Variants in CSMD3 observed in about 807,000 individuals in gnomAD.
CSMD3 encodes the protein CUB and Sushi multiple domains 3, also known as CUB and sushi domain-containing protein 3.
In CSMD3, 177 loss-of-function variants were observed where a neutral mutation model predicts 435.2. The observed-to-expected ratio is 0.41, with a 90% CI of 0.36 to 0.46. The LOEUF is 0.46. Among genes scored for constraint, CSMD3 ranks in the 20% least tolerant of loss-of-function variants. CSMD3 has a pLI of 0.34. For synonymous variants in CSMD3, 1,656 were observed against 1,520.5 expected, an observed-to-expected ratio of 1.09 and a Z score of -2.07; for missense variants, 4,265 against 4,504.6, an observed-to-expected ratio of 0.95 and a Z score of 1.52.
At chr8:112,323,050 T>C (rs1409885385) in intron 45 of CSMD3, among the ~76,000 whole-genome samples, 3 of 151,946 alleles carry the variant, frequency 2.0e-5, no homozygotes, top group South Asian at 4.1e-4. Context: ...TGTCAGACAA[T>C]GCTAAACATT....
intron 22 of CSMD3, among the ~76,000 whole-genome samples, chr8:112,612,076 C>T (rs1370126832): frequency 6.6e-5 from 10 of 152,022 alleles, no homozygotes; most frequent in African/African-American, 2.2e-4. Flanking sequence ...CCAATTTTAC[C>T]TATATTAGTT....
At chr8:112,396,561 A>C (rs1203306748) in intron 35 of CSMD3, among the ~76,000 whole-genome samples, 1 of 152,206 alleles carries the variant, frequency 6.6e-6, no homozygotes. Flanking sequence ...ACTGAAATGG[A>C]AAAAGTATGG....
chr8:112,238,265 A>C (rs951776049), intron 66 of CSMD3, among the ~76,000 whole-genome samples: 1 of 151,226 alleles, frequency 6.6e-6, no homozygotes, highest in African/African-American at 2.4e-5. Context: ...TTTAGGAAAA[A>C]GTCCTTTTTT....
intron 3 of CSMD3, among the ~76,000 whole-genome samples, chr8:113,253,282 G>T (rs770609002): frequency 6.6e-6 from 1 of 151,704 alleles, no homozygotes; most frequent in Non-Finnish European, 1.5e-5. Context: ...ACAATGTGCA[G>T]GTTTGTTACA....
intron 14 of CSMD3, among the ~76,000 whole-genome samples, chr8:112,688,163 A>G (rs1378383145): frequency 2.6e-5 from 4 of 152,214 alleles, no homozygotes; most frequent in Admixed American, 2.0e-4. Context: ...GGAAAGGAGG[A>G]TGGATTTGGC....
intron 14 of CSMD3, 21 bp from the exon 15 acceptor site, chr8:112,685,753 T>C (rs928252380): frequency 1.4e-6 from 2 of 1,401,878 alleles, no homozygotes. Context: ...AGGAAGATTA[T>C]GAAATACAAT....
Position 112,934,625 on chromosome 8 carries a change from G to A in CSMD3, c.1509-12874C>T, listed in dbSNP as rs376536485. ...CATAAAATCTGAGTCCAAGGTTTGA[G>A]AAATTGTGCAGTGCACAATGCTAAG... On this transcript the variant is annotated intron_variant, in intron 9 of 70. Coordinates refer to ENST00000297405, the MANE Select transcript of CSMD3 (RefSeq NM_198123.2). Among the ~76,000 whole-genome samples, 28 of 152,248 alleles carry A rather than the reference G, an allele frequency of 1.8e-4. No homozygotes were observed. In the East Asian group the frequency reaches 4.6e-3, roughly 25 times the overall value.
intron 27 of CSMD3, among the ~76,000 whole-genome samples, chr8:112,531,251 A>G (rs1825504037): frequency 6.6e-6 from 1 of 152,090 alleles, no homozygotes; most frequent in Non-Finnish European, 1.5e-5. Context: ...ATTCTTCTAG[A>G]TCCACCCCAT....
intron 2 of CSMD3, among the ~76,000 whole-genome samples, chr8:113,283,112 A>G (rs2093623833): frequency 6.6e-6 from 1 of 152,154 alleles, no homozygotes; most frequent in Admixed American, 6.5e-5. Context: ...TAAATCTAAG[A>G]TCTGAAACTA....
At chr8:112,707,771 G>A (rs1434834561) in intron 13 of CSMD3, among the ~76,000 whole-genome samples, 1 of 152,014 alleles carries the variant, frequency 6.6e-6, no homozygotes, top group African/African-American at 2.4e-5. Flanking sequence ...GAAATAACAG[G>A]TAACTTCTTA....
intron 32 of CSMD3, among the ~76,000 whole-genome samples, chr8:112,443,863 T>A (rs187195059): frequency 7.9e-4 from 120 of 152,242 alleles, no homozygotes; most frequent in African/African-American, 2.8e-3. Context: ...GTACTAATAT[T>A]GCTCATTGAT....
chr8:112,899,604 TATATA>T (rs1209800654), intron 10 of CSMD3, among the ~76,000 whole-genome samples: 1 of 16,906 alleles, frequency 5.9e-5, no homozygotes, highest in African/African-American at 6.4e-4. Context: ...CTATTTTATA[TATATA>T]TATATATATA....
chr8:112,673,386 G>T (rs1047436617), intron 16 of CSMD3, among the ~76,000 whole-genome samples: 2 of 151,956 alleles, frequency 1.3e-5, no homozygotes, highest in African/African-American at 4.8e-5. Flanking sequence ...CCTGTACCCA[G>T]CTCCACAAAG....
intron 17 of CSMD3, among the ~76,000 whole-genome samples, chr8:112,664,495 C>T (rs1002522367): frequency 2.0e-5 from 3 of 152,054 alleles, no homozygotes; most frequent in Admixed American, 1.3e-4. Flanking sequence ...ATAGGGGATA[C>T]GGTTTTAACA....
chr8:113,090,047 G>A (rs1034242357), intron 5 of CSMD3, among the ~76,000 whole-genome samples: 4 of 151,938 alleles, frequency 2.6e-5, no homozygotes, highest in African/African-American at 9.7e-5. Flanking sequence ...ATTGTAGAAG[G>A]GACCAGTGAG....
At chr8:112,292,832 A>G (rs1819904575) in intron 54 of CSMD3, 122 bp from the exon 55 acceptor site, 1 of 827,856 alleles carries the variant, frequency 1.2e-6, no homozygotes, top group East Asian at 2.6e-5. Context: ...ACTACTTTTT[A>G]TCTGGAAATA....
At chr8:113,393,607 G>C (rs981114012) in intron 1 of CSMD3, among the ~76,000 whole-genome samples, 3 of 152,214 alleles carry the variant, frequency 2.0e-5, no homozygotes, top group South Asian at 4.1e-4. Context: ...TAAGTTACTG[G>C]AGAAGGAAAA....
rs750738556 is a variant in CSMD3, at chr8:113,019,071, A to G, written c.1026T>C (p.Tyr342=). The G allele has an allele frequency of 1.3e-6, 2 of 1,595,130 alleles. No homozygotes were observed. The highest frequency in any genetic ancestry group is 1.1e-5 in the South Asian group (1 of 90,712). ...NHRYRGFSAP[Y]QGSSTLTHTT... is the part of the protein sequence containing the mutation. ...AAAGGTATTCCATAAGTATACCTTGATAGGGAGCACTAAATCCACGGTATC... is the reference window on the plus strand; with the variant it reads ...AAAGGTATTCCATAAGTATACCTTGGTAGGGAGCACTAAATCCACGGTATC... The change falls in exon 6 of 71, where the codon TAT becomes TAC. Residue 342 remains tyrosine (Y), a synonymous_variant. Transcript: ENST00000297405.
chr8:112,875,338 C>T (rs2081252102), intron 10 of CSMD3, among the ~76,000 whole-genome samples: 1 of 152,044 alleles, frequency 6.6e-6, no homozygotes, highest in Admixed American at 6.6e-5. Flanking sequence ...TTTCTTGCTG[C>T]CTACACTTAA....
Sources: allele counts gnomAD v4.1 joint callset (sites outside exome capture counted in the v4.1 genomes callset), GRCh38; gene constraint gnomAD v4.1.1; transcripts MANE v1.5; gene names NCBI Gene and HGNC (gene_info 2026-07-23, HGNC 2026-07-21).